Variants in PITRM1 observed in about 807,000 individuals in gnomAD.
The protein encoded by PITRM1 is pitrilysin metallopeptidase 1, also known as presequence protease, mitochondrial.
In PITRM1, 100 loss-of-function variants were observed where a neutral mutation model predicts 129.9. The ratio of observed to expected loss-of-function variants is 0.77; its 90% CI spans 0.65 to 0.91. PITRM1 has a LOEUF of 0.91. PITRM1 is among the 40% of genes least tolerant of loss of function. The probability of loss-of-function intolerance (pLI) is 0.00; values close to 1 mark genes in which losing one functional copy is unlikely to be tolerated. For synonymous variants in PITRM1, 591 were observed against 508.8 expected, an observed-to-expected ratio of 1.16 and a Z score of -2.17; for missense variants, 1,471 against 1,318.3, an observed-to-expected ratio of 1.12 and a Z score of -1.79.
chr10:3,143,128 G>T, intron 23 of PITRM1: 1 of 476,520 alleles, frequency 2.1e-6, no homozygotes, highest in East Asian at 3.8e-5. Context: ...CTGTGTTTAA[G>T]GTCATAGGTA....
Position 3,166,391 on chromosome 10 carries a change from A to AGAG in PITRM1, c.267-12_267-11insCTC, listed in dbSNP as rs572476455. On this transcript the variant is annotated splice_polypyrimidine_tract_variant and intron_variant, in intron 3 of 26. Transcript: ENST00000224949. ...GTACGGAACTGCACGCTAGGGAAGG[A>AGAG]GAATGACCAGAACGCAAAAGGTTCA... 4 of 1,395,432 alleles carry AGAG rather than the reference A, an allele frequency of 2.9e-6. No individual in the cohort carries two copies. In the East Asian group the frequency reaches 7.0e-5, roughly 24 times the overall value. The allele number at this position is 1,395,432 out of a possible 1,614,324, so 86.4% of individuals were successfully genotyped here.
intron 16 of PITRM1, chr10:3,149,100 A>T (rs1169820614): frequency 6.6e-6 from 1 of 152,496 alleles, no homozygotes; most frequent in Admixed American, 6.5e-5. Context: ...CTGGATGGGA[A>T]CAGGAGCCCA....
chr10:3,141,585 A>G (rs1375826895), intron 23 of PITRM1: 1 of 434,106 alleles, frequency 2.3e-6, no homozygotes, highest in Middle Eastern at 3.4e-4. Flanking sequence ...GTGAACGGTA[A>G]CATCACATTC....
At chr10:3,146,987 G>T in intron 20 of PITRM1, 163 bp downstream of exon 20, 2 of 476,230 alleles carry the variant, frequency 4.2e-6, no homozygotes, top group South Asian at 3.0e-5. Flanking sequence ...CTTTTAATAG[G>T]CTTAAAATAT....
intron 25 of PITRM1, 95 bp from the exon 26 acceptor site, chr10:3,138,432 C>T (rs1839811873): frequency 2.4e-6 from 2 of 816,670 alleles, no homozygotes; most frequent in Admixed American, 3.8e-5. Flanking sequence ...AGGCATCTCA[C>T]TGTCATTTCA....
chr10:3,141,698 G>A (rs749431425), intron 23 of PITRM1: 2 of 469,828 alleles, frequency 4.3e-6, no homozygotes, highest in South Asian at 1.6e-5. Context: ...CCCGTGGTGA[G>A]ATCAGCCCCA....
intron 9 of PITRM1, 133 bp downstream of exon 9, chr10:3,159,715 A>G (rs1447870296): frequency 3.6e-6 from 2 of 560,156 alleles, no homozygotes; most frequent in Non-Finnish European, 6.3e-6. Context: ...CTCTATTCCT[A>G]AAATCCACTT....
rs1021650922 is a variant in PITRM1, at chr10:3,137,819, G to T, written c.*212C>A. ...CAGTACAAAGTGAAAATTCTACATG[G>T]TGCATCTTTGGCGCTTCATGCATGA... On this transcript the variant is annotated 3_prime_UTR_variant, in exon 27 of 27. Transcript: ENST00000224949. 18 of 558,570 alleles carry T rather than the reference G, an allele frequency of 3.2e-5. No homozygotes were observed. Among genetic ancestry groups the T allele is most frequent in the African/African-American group, 3.2e-4 (17 of 52,922 alleles). The allele number at this position is 558,570 out of a possible 1,614,324, so 34.6% of individuals were successfully genotyped here. A position where few individuals can be genotyped will look rare whatever the true frequency, so the allele number is the denominator to read the frequency against.
intron 25 of PITRM1, chr10:3,138,664 G>A (rs373606866): frequency 2.2e-4 from 137 of 634,310 alleles, no homozygotes; most frequent in African/African-American, 1.5e-3. Context: ...TAAAGAGCCC[G>A]GACACTGCCA....
At chr10:3,157,266 G>A in intron 12 of PITRM1, 169 bp downstream of exon 12, 1 of 649,650 alleles carries the variant, frequency 1.5e-6, no homozygotes, top group Non-Finnish European at 2.5e-6. Context: ...AAAATAAAAA[G>A]CACAGGCTGA....
Position 3,140,691 on chromosome 10 carries a change from A to C in PITRM1, c.2767T>G (p.Tyr923Asp), listed in dbSNP as rs543675507. Residue 923 changes from tyrosine to aspartate, a missense_variant, in exon 24 of 27, where the codon TAC becomes GAC. Coordinates refer to ENST00000224949, the MANE Select transcript of PITRM1 (RefSeq NM_014889.4). The part of the protein sequence containing the change: ...SHNGIFTLYS[Y>D]RDPNTIETLQ... Reference sequence around the variant, plus strand: ...GTGAACTAGAGCAAAACTCACCTGTAAGAGTAAAGGGTGAAAATCCCATTG... The same window carrying C: ...GTGAACTAGAGCAAAACTCACCTGTCAGAGTAAAGGGTGAAAATCCCATTG... The C allele has an allele frequency of 4.4e-5, 70 of 1,599,148 alleles. No individual in the cohort carries two copies. In the South Asian group the frequency reaches 7.9e-4, roughly 18 times the overall value.
chr10:3,162,115 G>C (rs369162497), intron 7 of PITRM1, among the ~76,000 whole-genome samples: 48 of 148,296 alleles, frequency 3.2e-4, no homozygotes, highest in African/African-American at 1.1e-3. Flanking sequence ...ACAAGATCAT[G>C]CCACTGTACT....
chr10:3,143,102 G>A (rs1840428852), intron 23 of PITRM1: 2 of 399,550 alleles, frequency 5.0e-6, no homozygotes, highest in Admixed American at 4.0e-5. Context: ...AGTACATGGG[G>A]CATGTTGAAA....
At chr10:3,171,696 C>T (rs1006973327) in intron 1 of PITRM1, among the ~76,000 whole-genome samples, 1 of 152,168 alleles carries the variant, frequency 6.6e-6, no homozygotes, top group East Asian at 1.9e-4. Context: ...GCCTTGGCCT[C>T]CCAACATGCT....
At chr10:3,146,582 A>T (rs1840892985) in intron 20 of PITRM1, 1 of 152,458 alleles carries the variant, frequency 6.6e-6, no homozygotes. Context: ...TCTGCCAGGG[A>T]TTCTCAGGAC....
At chr10:3,165,949 T>TA (rs1842823352) in intron 4 of PITRM1, among the ~76,000 whole-genome samples, 1 of 152,230 alleles carries the variant, frequency 6.6e-6, no homozygotes, top group African/African-American at 2.4e-5. Context: ...ACATTAGTAG[T>TA]AACTCTGGCA....
At chr10:3,145,800 T>G in intron 20 of PITRM1, 84 bp from the exon 21 acceptor site, 1 of 1,109,112 alleles carries the variant, frequency 9.0e-7, no homozygotes, top group Non-Finnish European at 1.3e-6. Flanking sequence ...AACTCAATAA[T>G]GTTGTTTTTA....
At chr10:3,165,097 C>G in intron 6 of PITRM1, 141 bp downstream of exon 6, 1 of 710,906 alleles carries the variant, frequency 1.4e-6, no homozygotes, top group Non-Finnish European at 2.3e-6. Context: ...GACTTCTGCT[C>G]ACAGCACTGA....
intron 22 of PITRM1, chr10:3,143,852 A>G: frequency 1.8e-6 from 1 of 558,424 alleles, no homozygotes; most frequent in Non-Finnish European, 3.4e-6. Flanking sequence ...ATATTATATC[A>G]TAGGAATGTG....
Sources: allele counts gnomAD v4.1 joint callset (sites outside exome capture counted in the v4.1 genomes callset), GRCh38; gene constraint gnomAD v4.1.1; transcripts MANE v1.5; gene names NCBI Gene and HGNC (gene_info 2026-07-23, HGNC 2026-07-21).